The following ZNF618 variants were observed in gnomAD, a reference collection of about 807,000 sequenced individuals.
ZNF618 encodes the protein neural precursor cell expressed, developmentally down-regulated 10.
In ZNF618, 34 loss-of-function variants were observed where a neutral mutation model predicts 103.0. The observed-to-expected ratio is 0.33, with a 90% CI of 0.25 to 0.44. The LOEUF (loss-of-function observed/expected upper bound fraction) is 0.44, where lower values mean the gene tolerates loss of function less well. Among genes scored for constraint, ZNF618 ranks in the 20% least tolerant of loss-of-function variants. ZNF618 has a pLI of 1.00. For missense variants in ZNF618, 1,059 were observed against 1,295.4 expected (o/e 0.82, Z 2.80); for synonymous variants, 551 against 542.2 (o/e 1.02, Z -0.23).
chr9:113,887,692 T>C (rs1321000400), intron 1 of ZNF618, among the ~76,000 whole-genome samples: 6 of 152,302 alleles, frequency 3.9e-5, no homozygotes, highest in African/African-American at 1.2e-4. Flanking sequence ...TCATCTCCCT[T>C]GACTTCCAGC....
intron 1 of ZNF618, among the ~76,000 whole-genome samples, chr9:113,904,010 C>CTTT (rs35812879): frequency 7.2e-5 from 10 of 139,668 alleles, no homozygotes; most frequent in African/African-American, 2.4e-4. Flanking sequence ...TTCACCCCTC[C>CTTT]TTTTTTTTTT....
Position 113,933,765 on chromosome 9 carries a change from G to A in ZNF618, c.34-35352G>A, listed in dbSNP as rs546383024. On this transcript the variant is annotated intron_variant, in intron 1 of 14. Coordinates refer to ENST00000374126, the MANE Select transcript of ZNF618 (RefSeq NM_001318042.2). ...TTGCCAGAGAATAAAAGGAGAGAGA[G>A]GTCTAAAGATGGAAAGATTAGGCAA... Among the ~76,000 whole-genome samples, 9 of 152,102 alleles carry A rather than the reference G, an allele frequency of 5.9e-5. No individual in the cohort carries two copies. In the South Asian group the frequency reaches 1.0e-3, roughly 18 times the overall value.
At position 114,054,455 on chromosome 9, in the gene ZNF618, C is replaced by T. The variant is rs1313625303; in HGVS notation, c.*4288C>T. The T allele has an allele frequency of 5.3e-5, 8 of 152,296 alleles. No individual in the cohort carries two copies. Among genetic ancestry groups the T allele is most frequent in the Admixed American group, 5.2e-4 (8 of 15,284 alleles). The allele number at this position is 152,296 out of a possible 1,614,324, so 9.4% of individuals were successfully genotyped here. A position where few individuals can be genotyped will look rare whatever the true frequency, so the allele number is the denominator to read the frequency against. On this transcript the variant is annotated 3_prime_UTR_variant, in exon 15 of 15. Coordinates refer to ENST00000374126, the MANE Select transcript of ZNF618 (RefSeq NM_001318042.2). ...CCTCGCCTTGGCAACAGCGGCAATGCCTCTATCTCTGGGATGCATCTTAAG... is the reference window on the plus strand; with the variant it reads ...CCTCGCCTTGGCAACAGCGGCAATGTCTCTATCTCTGGGATGCATCTTAAG...
At chr9:113,942,933 A>G (rs1834681681) in intron 1 of ZNF618, among the ~76,000 whole-genome samples, 1 of 152,102 alleles carries the variant, frequency 6.6e-6, no homozygotes, top group African/African-American at 2.4e-5. Flanking sequence ...TTCAACTTCT[A>G]ATGACTTTTT....
At chr9:113,955,245 T>G (rs1310312564) in intron 1 of ZNF618, among the ~76,000 whole-genome samples, 2 of 150,828 alleles carry the variant, frequency 1.3e-5, no homozygotes, top group Non-Finnish European at 2.9e-5. Context: ...ACTCACCCCG[T>G]GGAAGTCACT....
At chr9:113,939,164 A>T (rs182861320) in intron 1 of ZNF618, among the ~76,000 whole-genome samples, 439 of 152,226 alleles carry the variant, frequency 2.9e-3, no homozygotes, top group Non-Finnish European at 4.6e-3. Flanking sequence ...GTTATTCCTG[A>T]CTTCAATTAG....
At chr9:113,985,491 T>A (rs1176303654) in intron 2 of ZNF618, among the ~76,000 whole-genome samples, 5 of 152,240 alleles carry the variant, frequency 3.3e-5, no homozygotes, top group Non-Finnish European at 5.9e-5. Flanking sequence ...CCTTGTGGTG[T>A]CCTGCAGCTA....
At chr9:113,901,340 A>G (rs1830532274) in intron 1 of ZNF618, among the ~76,000 whole-genome samples, 1 of 152,312 alleles carries the variant, frequency 6.6e-6, no homozygotes, top group South Asian at 2.1e-4. Flanking sequence ...TCTCCTGTCT[A>G]GGCAGCTGTT....
intron 1 of ZNF618, among the ~76,000 whole-genome samples, chr9:113,966,500 A>C (rs1837415304): frequency 6.6e-6 from 1 of 152,224 alleles, no homozygotes; most frequent in Non-Finnish European, 1.5e-5. Flanking sequence ...TCAGAGGTTC[A>C]GCTTAATCCA....
At chr9:113,963,398 A>G (rs1267081981) in intron 1 of ZNF618, among the ~76,000 whole-genome samples, 2 of 152,214 alleles carry the variant, frequency 1.3e-5, no homozygotes, top group African/African-American at 4.8e-5. Context: ...ATTCAAATGT[A>G]TTGGTAAGAA....
chr9:113,931,941 G>A (rs1167541173), intron 1 of ZNF618, among the ~76,000 whole-genome samples: 1 of 152,164 alleles, frequency 6.6e-6, no homozygotes, highest in Non-Finnish European at 1.5e-5. Flanking sequence ...GCTGTATAGT[G>A]TAGTGATTGA....
chr9:113,929,648 G>T (rs1833400392), intron 1 of ZNF618, among the ~76,000 whole-genome samples: 1 of 152,198 alleles, frequency 6.6e-6, no homozygotes, highest in Non-Finnish European at 1.5e-5. Flanking sequence ...ACCAAGCTGG[G>T]CTGGGAATCC....
At chr9:114,047,439 A>C (rs376737575) in intron 13 of ZNF618, among the ~76,000 whole-genome samples, 28 of 152,374 alleles carry the variant, frequency 1.8e-4, no homozygotes, top group African/African-American at 5.8e-4. Flanking sequence ...TACTTAAAAA[A>C]TGCAAACTTT....
intron 1 of ZNF618, among the ~76,000 whole-genome samples, chr9:113,924,571 TTTC>T (rs1479115416): frequency 6.6e-6 from 1 of 151,676 alleles, no homozygotes; most frequent in African/African-American, 2.4e-5. Flanking sequence ...ATTTTTATGA[TTTC>T]TTCTGCTTGC....
At chr9:114,012,851 C>G (rs1221433398) in intron 9 of ZNF618, among the ~76,000 whole-genome samples, 1 of 151,968 alleles carries the variant, frequency 6.6e-6, no homozygotes, top group African/African-American at 2.4e-5. Flanking sequence ...CTCCTAAGAT[C>G]TAATAGAAGA....
chr9:114,033,375 G>A (rs1212338461), intron 12 of ZNF618, among the ~76,000 whole-genome samples: 1 of 147,322 alleles, frequency 6.8e-6, no homozygotes, highest in Admixed American at 6.8e-5. Flanking sequence ...GACAGAGCGA[G>A]ACTCTGTCTC....
intron 10 of ZNF618, among the ~76,000 whole-genome samples, chr9:114,022,212 C>G (rs565095709): frequency 6.6e-6 from 1 of 151,942 alleles, no homozygotes; most frequent in African/African-American, 2.4e-5. Context: ...ACATTCCAAC[C>G]AGCAGTACAA....
At chr9:113,889,393 C>T (rs1279715551) in intron 1 of ZNF618, among the ~76,000 whole-genome samples, 1 of 151,206 alleles carries the variant, frequency 6.6e-6, no homozygotes, top group Non-Finnish European at 1.5e-5. Flanking sequence ...ATAGAGGCTT[C>T]ATATATGGCT....
At chr9:114,023,435 A>G (rs1265405123) in intron 10 of ZNF618, among the ~76,000 whole-genome samples, 6 of 152,130 alleles carry the variant, frequency 3.9e-5, no homozygotes. Flanking sequence ...TGCTATTTTT[A>G]TCATACATTT....
Sources: gnomAD v4.1 joint callset for allele counts (sites outside exome capture counted in the v4.1 genomes callset) on GRCh38, gnomAD v4.1.1 for gene constraint, MANE v1.5 for transcripts, NCBI Gene and HGNC (gene_info 2026-07-23, HGNC 2026-07-21) for gene names.